ABI1: variants seen among roughly 807,000 people sequenced by gnomAD.
The protein encoded by ABI1 is Abelson interactor 1.
Under a neutral mutation model 54.6 loss-of-function variants are expected in ABI1, and 14 were observed. The observed-to-expected ratio is 0.26, with a 90% CI of 0.17 to 0.40. ABI1 has a LOEUF of 0.40. ABI1 is among the 10% of genes least tolerant of loss of function. The pLI is 1.00. For missense variants in ABI1, 443 were observed against 598.3 expected (o/e 0.74, Z 2.71); for synonymous variants, 194 against 209.3 (o/e 0.93, Z 0.63).
At chr10:26,834,664 A>C (rs987091282) in intron 1 of ABI1, among the ~76,000 whole-genome samples, 4 of 151,800 alleles carry the variant, frequency 2.6e-5, no homozygotes, top group Non-Finnish European at 4.4e-5. Flanking sequence ...GAGAAACACA[A>C]ATCAAAACCA....
rs1331462701 is a variant in ABI1 at position 26,860,684 on chromosome 10, G to A, written c.117+63C>T. 5 of 1,344,740 alleles carry A rather than the reference G, an allele frequency of 3.7e-6. No homozygotes were observed. The highest frequency in any genetic ancestry group is 5.3e-6 in the Non-Finnish European group (5 of 939,370). The allele number at this position is 1,344,740 out of a possible 1,614,324, so 83.3% of individuals were successfully genotyped here. ...AGGGCAGTTCCCCACCCCGCCCAGT[G>A]GGCTGGTCACTCCGGCGGGTCCTCG... On this transcript the variant is annotated intron_variant, in intron 1 of 10. Transcript: ENST00000376140. This position sits in a 1 kb window ranked among gnomAD's most constrained non-coding sequence, Gnocchi z 4.1.
chr10:26,780,605 ACT>A (rs1449964759), intron 2 of ABI1, among the ~76,000 whole-genome samples: 1 of 152,100 alleles, frequency 6.6e-6, no homozygotes, highest in Non-Finnish European at 1.5e-5. Flanking sequence ...GTGCAAAGCT[ACT>A]CTCTCCCAGC....
chr10:26,770,471 A>G lies in ABI1; in HGVS notation c.478-126T>C, dbSNP rs546810486. ...GGATTCCCAGACAGTTTGAATAAAG[A>G]CTTTGGTACTACAGTTTAAAAAGTC... On this transcript the variant is annotated intron_variant, in intron 4 of 10. Transcript: ENST00000376140. The G allele has an allele frequency of 3.2e-5, 31 of 968,452 alleles. 1 individual carries two copies. In the East Asian group the frequency reaches 7.5e-4, roughly 23 times the overall value. The allele number at this position is 968,452 out of a possible 1,614,324, so 60.0% of individuals were successfully genotyped here. A position where few individuals can be genotyped will look rare whatever the true frequency, so the allele number is the denominator to read the frequency against.
intron 2 of ABI1, among the ~76,000 whole-genome samples, chr10:26,814,613 T>C (rs1039842561): frequency 6.6e-6 from 1 of 152,160 alleles, no homozygotes; most frequent in Admixed American, 6.5e-5. Flanking sequence ...GAAATATCAC[T>C]ATAAGAATCT....
intron 1 of ABI1, among the ~76,000 whole-genome samples, chr10:26,834,874 G>C (rs539410700): frequency 5.4e-4 from 82 of 151,760 alleles, no homozygotes; most frequent in Non-Finnish European, 1.0e-3. Context: ...AGGCCGAGGC[G>C]GGCAAATCAC....
At chr10:26,841,633 T>C (rs1328469168) in intron 1 of ABI1, among the ~76,000 whole-genome samples, 1 of 149,046 alleles carries the variant, frequency 6.7e-6, no homozygotes, top group East Asian at 2.0e-4. Flanking sequence ...TTATTCACTC[T>C]GTATATTTGA....
chr10:26,845,147 A>T (rs886238037), intron 1 of ABI1, among the ~76,000 whole-genome samples: 2 of 66,200 alleles, frequency 3.0e-5, no homozygotes, highest in Non-Finnish European at 5.5e-5. Flanking sequence ...TAAATGCTTT[A>T]AAAAAAAAAA....
At chr10:26,754,949 C>G (rs1564454617) in intron 9 of ABI1, among the ~76,000 whole-genome samples, 1 of 146,802 alleles carries the variant, frequency 6.8e-6, no homozygotes, top group Non-Finnish European at 1.5e-5. Context: ...TTCTCCCCCC[C>G]CACAAAAAAA....
chr10:26,771,962 A>G (rs1370101624), intron 3 of ABI1, among the ~76,000 whole-genome samples: 2 of 151,850 alleles, frequency 1.3e-5, no homozygotes, highest in African/African-American at 4.8e-5. Flanking sequence ...TTAGAGTCTA[A>G]TTTTTTACAG....
chr10:26,853,787 C>G (rs917705952), intron 1 of ABI1, among the ~76,000 whole-genome samples: 1 of 152,056 alleles, frequency 6.6e-6, no homozygotes, highest in Non-Finnish European at 1.5e-5. Context: ...CATGATCCGC[C>G]CGCCTCATCC....
At chr10:26,841,386 C>G (rs2049487742) in intron 1 of ABI1, among the ~76,000 whole-genome samples, 1 of 147,194 alleles carries the variant, frequency 6.8e-6, no homozygotes, top group South Asian at 2.2e-4. Context: ...TATATATCAA[C>G]CCACATAGTT....
chr10:26,813,710 T>C (rs2047382526), intron 2 of ABI1, among the ~76,000 whole-genome samples: 1 of 97,806 alleles, frequency 1.0e-5, no homozygotes, highest in African/African-American at 7.7e-5. Context: ...GAGAACCCAG[T>C]GATCGTCTTA....
chr10:26,847,486 G>A (rs116907447), intron 1 of ABI1, among the ~76,000 whole-genome samples: 3,271 of 152,086 alleles, frequency 0.022, 231 homozygotes, highest in East Asian at 0.2. Context: ...TTAGCCAAGC[G>A]TGATGGTGCA....
intron 9 of ABI1, among the ~76,000 whole-genome samples, chr10:26,754,615 A>G (rs1359010493): frequency 6.6e-6 from 1 of 152,214 alleles, no homozygotes; most frequent in Non-Finnish European, 1.5e-5. Flanking sequence ...ATAACACAAC[A>G]GGGTCAGCAA....
intron 2 of ABI1, among the ~76,000 whole-genome samples, chr10:26,784,336 G>A (rs2133054851): frequency 6.6e-6 from 1 of 152,308 alleles, no homozygotes; most frequent in East Asian, 1.9e-4. Context: ...CATTTCAAGG[G>A]ACAGATGAAT....
intron 2 of ABI1, among the ~76,000 whole-genome samples, chr10:26,820,876 G>C (rs1448247055): frequency 6.6e-6 from 1 of 151,928 alleles, no homozygotes; most frequent in Non-Finnish European, 1.5e-5. Flanking sequence ...GACATTTACA[G>C]ACCTAAACAC....
At chr10:26,830,613 C>T (rs555111624) in intron 1 of ABI1, among the ~76,000 whole-genome samples, 9 of 146,988 alleles carry the variant, frequency 6.1e-5, no homozygotes, top group Admixed American at 2.0e-4. Flanking sequence ...AGAACAAGAC[C>T]CTGTCTCCTT....
At chr10:26,757,237 T>C (rs2132497544) in intron 8 of ABI1, among the ~76,000 whole-genome samples, 1 of 152,246 alleles carries the variant, frequency 6.6e-6, no homozygotes, top group South Asian at 2.1e-4. Context: ...ACACCAACAG[T>C]AACTCAGATT....
chr10:26,837,922 C>G (rs543524593), intron 1 of ABI1, among the ~76,000 whole-genome samples: 3 of 151,586 alleles, frequency 2.0e-5, no homozygotes, highest in South Asian at 2.1e-4. Context: ...GCTTAGTTTT[C>G]AAAGCATTTT....
Sources: gnomAD v4.1 joint callset for allele counts (sites outside exome capture counted in the v4.1 genomes callset) on GRCh38, gnomAD v4.1.1 for gene constraint, Gnocchi (gnomAD v3.1) non-coding constraint, MANE v1.5 for transcripts, NCBI Gene and HGNC (gene_info 2026-07-23, HGNC 2026-07-21) for gene names.